Variants in ADGRB3 observed in about 807,000 individuals in gnomAD.
The protein encoded by ADGRB3 is brain-specific angiogenesis inhibitor 3.
ADGRB3 carries 37 observed loss-of-function variants against 193.4 expected under a neutral mutation model. The ratio of observed to expected loss-of-function variants is 0.19; its 90% CI spans 0.15 to 0.25. The LOEUF is 0.25. Among genes scored for constraint, ADGRB3 ranks in the 10% least tolerant of loss-of-function variants. ADGRB3 has a pLI of 1.00. For missense variants in ADGRB3, 1,637 were observed against 1,852.9 expected (o/e 0.88, Z 2.14); for synonymous variants, 690 against 644.2 (o/e 1.07, Z -1.08).
chr6:69,193,675 G>T (rs986993642), intron 17 of ADGRB3, among the ~76,000 whole-genome samples: 4 of 151,990 alleles, frequency 2.6e-5, no homozygotes, highest in Non-Finnish European at 4.4e-5. Flanking sequence ...ATCACTAGCT[G>T]TATGACCTTT....
At chr6:69,347,100 C>T (rs1018569315) in intron 26 of ADGRB3, among the ~76,000 whole-genome samples, 6 of 152,160 alleles carry the variant, frequency 3.9e-5, no homozygotes, top group Non-Finnish European at 7.3e-5. Context: ...AGCGAACTAA[C>T]ACAGGGACTG....
At chr6:68,812,557 C>T (rs1767532871) in intron 3 of ADGRB3, among the ~76,000 whole-genome samples, 1 of 152,034 alleles carries the variant, frequency 6.6e-6, no homozygotes, top group African/African-American at 2.4e-5. Context: ...GATGACTGTA[C>T]TAGACAGTGA....
chr6:69,226,043 A>G (rs1006556466), intron 17 of ADGRB3, among the ~76,000 whole-genome samples: 4 of 152,132 alleles, frequency 2.6e-5, no homozygotes, highest in Non-Finnish European at 5.9e-5. Context: ...ACTATTTCCA[A>G]TTTAAAACAA....
intron 17 of ADGRB3, among the ~76,000 whole-genome samples, chr6:69,153,434 T>A (rs1249204952): frequency 6.6e-6 from 1 of 152,140 alleles, no homozygotes; most frequent in Non-Finnish European, 1.5e-5. Context: ...TGAGAAGCAT[T>A]GTAGAGTAAT....
intron 24 of ADGRB3, among the ~76,000 whole-genome samples, chr6:69,334,810 A>G (rs1768811067): frequency 6.6e-6 from 1 of 152,180 alleles, no homozygotes; most frequent in South Asian, 2.1e-4. Context: ...AAGCTCTGCA[A>G]TTTACTAGCT....
intron 31 of ADGRB3, 23 bp from the exon 32 acceptor site, chr6:69,388,680 C>T (rs1448056740): frequency 1.2e-6 from 2 of 1,601,504 alleles, no homozygotes; most frequent in African/African-American, 1.3e-5. Context: ...ATAAATGACT[C>T]TCTTTCCCTC....
intron 4 of ADGRB3, among the ~76,000 whole-genome samples, chr6:68,931,735 A>G (rs1350811837): frequency 6.6e-6 from 1 of 152,162 alleles, no homozygotes. Context: ...AAATGCAAAT[A>G]TTGTTAATGA....
At chr6:69,192,602 T>C (rs1476939399) in intron 17 of ADGRB3, among the ~76,000 whole-genome samples, 1 of 152,158 alleles carries the variant, frequency 6.6e-6, no homozygotes, top group Non-Finnish European at 1.5e-5. Flanking sequence ...TATAAAATGG[T>C]AAAATGGTTC....
intron 3 of ADGRB3, among the ~76,000 whole-genome samples, chr6:68,772,894 A>AATATATAT (rs1208790675): frequency 7.0e-4 from 16 of 22,836 alleles, no homozygotes; most frequent in African/African-American, 1.8e-3. Context: ...AAAAAAAAAA[A>AATATATAT]ATATATATAT....
At chr6:69,332,108 G>C in intron 23 of ADGRB3, 2 of 985,378 alleles carry the variant, frequency 2.0e-6, no homozygotes, top group Non-Finnish European at 2.4e-6. Context: ...TCATTGGACT[G>C]GATTCCTTGA....
rs566960621 is a variant in ADGRB3, at chr6:68,879,520, G to T, written c.758-51039G>T. On this transcript the variant is annotated intron_variant, in intron 3 of 31. Coordinates refer to ENST00000370598, the MANE Select transcript of ADGRB3 (RefSeq NM_001704.3). Reference sequence around the variant, plus strand: ...TGGGATTACAGGCGTGAGCCACCGCGCCTGGCCTACTTTTTGTTGCTTTTT... The same window carrying T: ...TGGGATTACAGGCGTGAGCCACCGCTCCTGGCCTACTTTTTGTTGCTTTTT... Among the ~76,000 whole-genome samples, 39 of 152,078 alleles carry T rather than the reference G, an allele frequency of 2.6e-4. 1 individual carries two copies. The highest frequency in any genetic ancestry group is 1.2e-4 in the African/African-American group (5 of 41,460).
intron 17 of ADGRB3, among the ~76,000 whole-genome samples, chr6:69,133,826 C>G (rs1774078694): frequency 6.6e-6 from 1 of 151,776 alleles, no homozygotes; most frequent in South Asian, 2.1e-4. Context: ...GTCTTTTATC[C>G]CTCACCTCCA....
chr6:69,194,694 A>G (rs925375771), intron 17 of ADGRB3, among the ~76,000 whole-genome samples: 3 of 152,152 alleles, frequency 2.0e-5, no homozygotes, highest in African/African-American at 4.8e-5. Flanking sequence ...TGCTCAAAAC[A>G]TATATAAACA....
intron 17 of ADGRB3, among the ~76,000 whole-genome samples, chr6:69,190,597 A>G (rs923049934): frequency 1.2e-4 from 18 of 152,112 alleles, no homozygotes; most frequent in Non-Finnish European, 1.8e-4. Context: ...TTGAAGAAAG[A>G]AAATTATTTT....
chr6:68,687,842 A>C (rs1349815766), intron 3 of ADGRB3, among the ~76,000 whole-genome samples: 2 of 152,212 alleles, frequency 1.3e-5, no homozygotes, highest in African/African-American at 4.8e-5. Context: ...CTTTGTTTTC[A>C]TGTGAAAAAT....
At chr6:69,107,330 C>T (rs1289720930) in intron 17 of ADGRB3, among the ~76,000 whole-genome samples, 1 of 152,116 alleles carries the variant, frequency 6.6e-6, no homozygotes, top group Non-Finnish European at 1.5e-5. Flanking sequence ...AAATAAAGAT[C>T]ACTTTCAAAC....
chr6:68,900,231 C>T (rs1352443139), intron 3 of ADGRB3, among the ~76,000 whole-genome samples: 1 of 152,016 alleles, frequency 6.6e-6, no homozygotes, highest in Non-Finnish European at 1.5e-5. Context: ...AATCTGAAAA[C>T]AATTACTAAA....
intron 3 of ADGRB3, among the ~76,000 whole-genome samples, chr6:68,918,793 A>G (rs930689594): frequency 2.6e-5 from 4 of 152,064 alleles, no homozygotes; most frequent in East Asian, 3.9e-4. Flanking sequence ...CATGAAACCA[A>G]GCTTTTTTTT....
At chr6:69,336,530 G>A (rs1317287120) in intron 24 of ADGRB3, among the ~76,000 whole-genome samples, 1 of 151,862 alleles carries the variant, frequency 6.6e-6, no homozygotes, top group East Asian at 1.9e-4. Flanking sequence ...ATGGAGAAGG[G>A]AAACTAGAAC....
Sources: allele counts gnomAD v4.1 joint callset (sites outside exome capture counted in the v4.1 genomes callset), GRCh38; gene constraint gnomAD v4.1.1; transcripts MANE v1.5; gene names NCBI Gene and HGNC (gene_info 2026-07-23, HGNC 2026-07-21).